PPP6C: variants seen among roughly 807,000 people sequenced by gnomAD.
PPP6C encodes protein phosphatase 6 catalytic subunit, also known as serine/threonine-protein phosphatase 6 catalytic subunit.
A neutral mutation model predicts 39.8 loss-of-function variants in PPP6C; 11 were observed. The ratio of observed to expected loss-of-function variants is 0.28; its 90% CI spans 0.17 to 0.46. The LOEUF (loss-of-function observed/expected upper bound fraction) is 0.46. Among genes scored for constraint, PPP6C ranks in the 20% least tolerant of loss-of-function variants. The pLI is 1.00. For synonymous variants in PPP6C, 129 were observed against 130.3 expected (o/e 0.99, Z 0.07); for missense variants, 211 against 373.9 (o/e 0.56, Z 3.59).
intron 2 of PPP6C, among the ~76,000 whole-genome samples, chr9:125,166,049 G>A (rs758972756): frequency 6.6e-6 from 1 of 151,912 alleles, no homozygotes; most frequent in Non-Finnish European, 1.5e-5. Flanking sequence ...CGCTTGCCAC[G>A]GCCTCCCAAA....
In PPP6C at chr9:125,167,394, AAAAAAGAAAT is replaced by A. The variant is rs1190937258; in HGVS notation, c.171+3681_171+3690del. ...AGACCCTGTCCAAAAAAAAAAAAAAAAAAAAGAAATAAAAAAAAGGCCGGGCATGGTGACT... is the reference window on the plus strand; with the variant it reads ...AGACCCTGTCCAAAAAAAAAAAAAAAAAAAAAAAGGCCGGGCATGGTGACT... On this transcript the variant is annotated intron_variant, in intron 2 of 6. Transcript: ENST00000373547. Among the ~76,000 whole-genome samples the A allele has an allele frequency of 2.6e-4, 38 of 146,818 alleles. 3 individuals are homozygous for A. In the East Asian group the frequency reaches 7.2e-3, roughly 28 times the overall value.
chr9:125,180,996 C>T (rs16927926), intron 1 of PPP6C, among the ~76,000 whole-genome samples: 3,242 of 152,274 alleles, frequency 0.021, 119 homozygotes, highest in African/African-American at 0.073. Flanking sequence ...CTGCGTCCTA[C>T]GACTGCCACC....
At chr9:125,186,443 G>A (rs959904333) in intron 1 of PPP6C, among the ~76,000 whole-genome samples, 3 of 151,948 alleles carry the variant, frequency 2.0e-5, no homozygotes, top group Non-Finnish European at 4.4e-5. Context: ...ATATTTTTAA[G>A]TTTATTAAGA....
chr9:125,150,738 G>GT (rs1835916106), intron 6 of PPP6C: 1 of 763,832 alleles, frequency 1.3e-6, no homozygotes, highest in Admixed American at 1.9e-5. Flanking sequence ...CGGCAAGGCA[G>GT]TGATTGAGAA....
chr9:125,173,283 T>C (rs1458540517), intron 1 of PPP6C, among the ~76,000 whole-genome samples: 1 of 151,238 alleles, frequency 6.6e-6, no homozygotes, highest in Non-Finnish European at 1.5e-5. Flanking sequence ...TGGTGGCAGG[T>C]GCCTGTAATC....
In PPP6C at chr9:125,179,659, T is replaced by C. The variant is rs544450326; in HGVS notation, c.76-8479A>G. Among the ~76,000 whole-genome samples the C allele has an allele frequency of 4.0e-4, 59 of 148,110 alleles. No homozygotes were observed. In the East Asian group the frequency reaches 0.011, roughly 29 times the overall value. ...CAGCTTTCCTTTTCTCTCTCTCTTT[T>C]TTTTTTTTTTTTTGGAAACAAAGTC... On this transcript the variant is annotated intron_variant, in intron 1 of 6. Coordinates refer to ENST00000373547, the MANE Select transcript of PPP6C (RefSeq NM_002721.5).
intron 1 of PPP6C, among the ~76,000 whole-genome samples, chr9:125,176,121 C>G (rs1475420711): frequency 6.6e-6 from 1 of 152,006 alleles, no homozygotes; most frequent in African/African-American, 2.4e-5. Context: ...TATGGGGACA[C>G]AATACTACAG....
chr9:125,179,012 C>T (rs561717392), intron 1 of PPP6C, among the ~76,000 whole-genome samples: 4 of 152,116 alleles, frequency 2.6e-5, no homozygotes, highest in South Asian at 2.1e-4. Context: ...GTCAGGAGTT[C>T]GAGACCAGCA....
intron 3 of PPP6C, 145 bp downstream of exon 3, chr9:125,160,696 C>A (rs116578584): frequency 4.0e-6 from 2 of 502,546 alleles, no homozygotes; most frequent in Non-Finnish European, 6.6e-6. Context: ...TCTTTATCAG[C>A]GGCGTGAAAA....
Position 125,189,743 on chromosome 9 carries a change from C to G in PPP6C, c.-25G>C, listed in dbSNP as rs1357167025. 1 of 1,562,282 alleles carries G rather than the reference C, an allele frequency of 6.4e-7. No homozygotes were observed. The highest frequency in any genetic ancestry group is 1.4e-5 in the African/African-American group (1 of 70,350). On this transcript the variant is annotated 5_prime_UTR_variant, in exon 1 of 7. Coordinates refer to ENST00000373547, the MANE Select transcript of PPP6C (RefSeq NM_002721.5). ...TTTTAAGAATAACAAGCCGCGGCAA[C>G]AGCGGCGGCGGCGGCTGTAGCAGCG... is the stretch of plus-strand genomic sequence containing the variant.
At chr9:125,188,901 G>A (rs751585763) in intron 1 of PPP6C, 2 of 1,545,166 alleles carry the variant, frequency 1.3e-6, no homozygotes, top group Non-Finnish European at 1.8e-6. Flanking sequence ...TTGGACTCAG[G>A]AGTAACAAGG....
chr9:125,170,441 G>A (rs1001491905), intron 2 of PPP6C, among the ~76,000 whole-genome samples: 1 of 152,010 alleles, frequency 6.6e-6, no homozygotes, highest in Non-Finnish European at 1.5e-5. Context: ...GTTTCACCAT[G>A]TTGGTCAGGC....
intron 1 of PPP6C, among the ~76,000 whole-genome samples, chr9:125,172,756 C>A (rs1001207614): frequency 2.0e-5 from 3 of 148,200 alleles, no homozygotes; most frequent in African/African-American, 7.9e-5. Flanking sequence ...CACACAAACA[C>A]ACACACACAC....
intron 6 of PPP6C, among the ~76,000 whole-genome samples, chr9:125,152,471 C>A (rs1464801202): frequency 6.6e-6 from 1 of 152,120 alleles, no homozygotes; most frequent in East Asian, 1.9e-4. Context: ...ATTTAATTTT[C>A]ATCTTCTTTC....
At position 125,147,438 on chromosome 9, in the gene PPP6C, T is replaced by A. The variant is rs1361257108; in HGVS notation, c.*2235A>T. 2 of 152,190 alleles carry A rather than the reference T, an allele frequency of 1.3e-5. No individual in the cohort carries two copies. The highest frequency in any genetic ancestry group is 2.9e-5 in the Non-Finnish European group (2 of 68,024). 9.4% of individuals were successfully genotyped at this position (152,190 alleles called of 1,614,324 possible). A position where few individuals can be genotyped will look rare whatever the true frequency, so the allele number is the denominator to read the frequency against. On this transcript the variant is annotated 3_prime_UTR_variant, in exon 7 of 7. Coordinates refer to ENST00000373547, the MANE Select transcript of PPP6C (RefSeq NM_002721.5). ...GTACATATAGTACATAGCCCTTATT[T>A]ATTGGAGGGATCCAAAATATTCCTT...
chr9:125,189,389 G>A (rs984713899), intron 1 of PPP6C, among the ~76,000 whole-genome samples: 32 of 152,334 alleles, frequency 2.1e-4, no homozygotes, highest in African/African-American at 6.7e-4. Context: ...GGGGCAGCCC[G>A]AAGGCCAGAA....
intron 2 of PPP6C, among the ~76,000 whole-genome samples, chr9:125,167,845 G>A (rs1423902063): frequency 3.1e-5 from 1 of 32,632 alleles, no homozygotes; most frequent in Non-Finnish European, 5.8e-5. Flanking sequence ...GGGGGGGGGG[G>A]GGTATCATTT....
At chr9:125,182,099 A>C (rs186793861) in intron 1 of PPP6C, among the ~76,000 whole-genome samples, 1 of 152,278 alleles carries the variant, frequency 6.6e-6, no homozygotes, top group African/African-American at 2.4e-5. Context: ...CTAATCCTTG[A>C]ACAGGAAGGG....
intron 6 of PPP6C, chr9:125,151,360 CA>C (rs1257799853): frequency 1.6e-6 from 2 of 1,214,888 alleles, no homozygotes; most frequent in African/African-American, 3.0e-5. Context: ...CTGGAGTCAC[CA>C]AAGTTTATGC....
Sources: allele counts gnomAD v4.1 joint callset (sites outside exome capture counted in the v4.1 genomes callset), GRCh38; gene constraint gnomAD v4.1.1; transcripts MANE v1.5; gene names NCBI Gene and HGNC (gene_info 2026-07-23, HGNC 2026-07-21).